Variants in STRN3 observed in about 807,000 individuals in gnomAD.
The protein encoded by STRN3 is striatin-3.
In STRN3, 29 loss-of-function variants were observed where a neutral mutation model predicts 95.6. The ratio of observed to expected loss-of-function variants is 0.30; its 90% confidence interval spans 0.23 to 0.41. STRN3 has a LOEUF of 0.41. STRN3 is among the 10% of genes least tolerant of loss of function. The pLI, the probability that STRN3 is intolerant of heterozygous loss-of-function variation, is 1.00. For missense variants in STRN3, 890 were observed against 972.1 expected (o/e 0.92, Z 1.12); for synonymous variants, 331 against 357.6 (o/e 0.93, Z 0.84).
chr14:30,901,870 T>TA (rs1334086390), intron 16 of STRN3, among the ~76,000 whole-genome samples: 1 of 152,006 alleles, frequency 6.6e-6, no homozygotes, highest in African/African-American at 2.4e-5. Flanking sequence ...GACATAGTTG[T>TA]AAGAACATAT....
intron 1 of STRN3, among the ~76,000 whole-genome samples, chr14:31,014,005 C>T (rs1012237593): frequency 1.5e-4 from 23 of 151,068 alleles, no homozygotes; most frequent in Admixed American, 4.0e-4. Context: ...TGGGCTCAAG[C>T]GATCCTCCCG....
chr14:30,898,907 G>A (rs954863160), intron 16 of STRN3, among the ~76,000 whole-genome samples: 5 of 152,056 alleles, frequency 3.3e-5, no homozygotes, highest in African/African-American at 4.8e-5. Flanking sequence ...TGTAAACTAC[G>A]GAAACAAACT....
intron 8 of STRN3, among the ~76,000 whole-genome samples, chr14:30,926,615 ATTAC>A (rs1318873826): frequency 6.6e-6 from 1 of 151,824 alleles, no homozygotes; most frequent in East Asian, 1.9e-4. Context: ...TGAATCTTAT[ATTAC>A]TTCTTATAAG....
At chr14:30,940,661 G>C (rs550198491) in intron 5 of STRN3, among the ~76,000 whole-genome samples, 102 of 152,148 alleles carry the variant, frequency 6.7e-4, no homozygotes, top group Non-Finnish European at 1.3e-3. Flanking sequence ...GGAGTAACTG[G>C]AAAGAATCCT....
chr14:30,986,907 T>C (rs1004069003), intron 1 of STRN3, among the ~76,000 whole-genome samples: 1 of 152,222 alleles, frequency 6.6e-6, no homozygotes, highest in Non-Finnish European at 1.5e-5. Context: ...CTTTATAGTC[T>C]TTCTCAAATC....
chr14:31,008,699 T>G (rs1272032710), intron 1 of STRN3, among the ~76,000 whole-genome samples: 1 of 152,038 alleles, frequency 6.6e-6, no homozygotes, highest in Non-Finnish European at 1.5e-5. Context: ...GAACAACCAT[T>G]TTGGCTGTAA....
chr14:30,997,365 CCT>C (rs1434650114), intron 1 of STRN3, among the ~76,000 whole-genome samples: 13 of 152,150 alleles, frequency 8.5e-5, no homozygotes, highest in Non-Finnish European at 5.9e-5. Context: ...AGCCACACCT[CCT>C]CTGTCTGGCC....
At chr14:30,935,125 T>C (rs906537721) in intron 7 of STRN3, 38 bp downstream of exon 7, 1 of 1,608,442 alleles carries the variant, frequency 6.2e-7, no homozygotes, top group Non-Finnish European at 8.5e-7. Context: ...CATTAAGGGC[T>C]AGATTTCCTC....
At chr14:30,924,985 AT>A (rs1467106426) in intron 8 of STRN3, among the ~76,000 whole-genome samples, 1 of 152,212 alleles carries the variant, frequency 6.6e-6, no homozygotes, top group Non-Finnish European at 1.5e-5. Flanking sequence ...TAAGTCAGAA[AT>A]TATGTCAAAA....
chr14:30,975,948 A>G (rs532468155), intron 1 of STRN3, among the ~76,000 whole-genome samples: 1 of 152,302 alleles, frequency 6.6e-6, no homozygotes, highest in Admixed American at 6.5e-5. Flanking sequence ...ATGCTAAGAC[A>G]GCAGAGAAAA....
intron 16 of STRN3, among the ~76,000 whole-genome samples, chr14:30,897,829 T>C (rs1896199340): frequency 6.6e-6 from 1 of 152,176 alleles, no homozygotes; most frequent in South Asian, 2.1e-4. Flanking sequence ...TAATTTATCT[T>C]CCAGTTCTAG....
chr14:30,921,069 T>TACACACACACACACAC lies in STRN3; in HGVS notation c.1100-1964_1100-1963insGTGTGTGTGTGTGTGT, dbSNP rs367677158. On this transcript the variant is annotated intron_variant, in intron 8 of 17. Coordinates refer to ENST00000357479, the MANE Select transcript of STRN3 (RefSeq NM_001083893.2). ...GGTGAGAAGGCTTTCTACACATACA[T>TACACACACACACACAC]ATACACACACACACACACACACACA... is the stretch of plus-strand genomic sequence containing the variant. 2.8e-3 allele frequency among the ~76,000 whole-genome samples: 337 copies of TACACACACACACACAC among 119,936 alleles called. 2 individuals carry two copies. The highest frequency in any genetic ancestry group is 0.023 in the East Asian group (97 of 4,202). The allele number at this position is 119,936 out of a possible 152,430, so 78.7% of individuals were successfully genotyped here. A position where few individuals can be genotyped will look rare whatever the true frequency, so the allele number is the denominator to read the frequency against.
intron 12 of STRN3, 133 bp from the exon 13 acceptor site, chr14:30,911,295 CTTTTTT>C (rs11297035): frequency 9.9e-4 from 446 of 452,784 alleles, no homozygotes; most frequent in South Asian, 2.1e-3. Flanking sequence ...CTGACTGGTA[CTTTTTT>C]TTTTTTTTTT....
intron 1 of STRN3, among the ~76,000 whole-genome samples, chr14:30,995,078 C>T (rs1882136419): frequency 6.6e-6 from 1 of 152,108 alleles, no homozygotes; most frequent in Non-Finnish European, 1.5e-5. Flanking sequence ...TTGAAAATAC[C>T]GTGTTCATTG....
chr14:30,904,957 C>G (rs1229177913), intron 15 of STRN3, among the ~76,000 whole-genome samples: 1 of 125,096 alleles, frequency 8.0e-6, no homozygotes. Context: ...CCAATTTCGT[C>G]AATTAAAAAA....
At chr14:30,928,121 T>C (rs1594449337) in intron 8 of STRN3, among the ~76,000 whole-genome samples, 2 of 148,952 alleles carry the variant, frequency 1.3e-5, no homozygotes, top group East Asian at 1.9e-4. Context: ...GTTCACTCTA[T>C]AGTCTTTTAA....
At chr14:31,013,864 T>TTAA (rs1459134004) in intron 1 of STRN3, among the ~76,000 whole-genome samples, 1 of 11,196 alleles carries the variant, frequency 8.9e-5, no homozygotes, top group African/African-American at 3.0e-4. Context: ...CAAAGCAATT[T>TTAA]TATTATTATT....
At chr14:30,929,968 A>AAAAAAAAAAAAAAAAAAAAAAC (rs1878438058) in intron 7 of STRN3, among the ~76,000 whole-genome samples, 1 of 121,836 alleles carries the variant, frequency 8.2e-6, no homozygotes, top group Non-Finnish European at 1.9e-5. Context: ...AAAAAAAAAA[A>AAAAAAAAAAAAAAAAAAAAAAC]AAAAAAAAAA....
chr14:30,905,641 A>T, intron 14 of STRN3, 83 bp from the exon 15 acceptor site: 1 of 1,462,466 alleles, frequency 6.8e-7, no homozygotes, highest in Non-Finnish European at 9.2e-7. Context: ...TGTTTTTCTA[A>T]TCAGAAAAAG....
Sources: allele counts gnomAD v4.1 joint callset (sites outside exome capture counted in the v4.1 genomes callset), GRCh38; gene constraint gnomAD v4.1.1; transcripts MANE v1.5; gene names NCBI Gene and HGNC (gene_info 2026-07-23, HGNC 2026-07-21).